SLC6A19: variants seen among roughly 807,000 people sequenced by gnomAD.
The protein encoded by SLC6A19 is sodium-dependent neutral amino acid transporter B(0)AT1.
Under a neutral mutation model 68.3 loss-of-function variants are expected in SLC6A19, and 67 were observed. The observed-to-expected ratio is 0.98, with a 90% CI of 0.81 to 1.20. SLC6A19 has a LOEUF of 1.20. Ranked by LOEUF, SLC6A19 falls within the 50% of genes most tolerant of loss-of-function variation. The probability of loss-of-function intolerance (pLI) is 0.00; values close to 1 mark genes in which losing one functional copy is unlikely to be tolerated. For missense variants in SLC6A19, 813 were observed against 851.6 expected, an observed-to-expected ratio of 0.95 and a Z score of 0.56; for synonymous variants, 392 against 374.9, an observed-to-expected ratio of 1.05 and a Z score of -0.53.
chr5:1,211,631 CTA>C (rs1333431310), intron 3 of SLC6A19, among the ~76,000 whole-genome samples: 1 of 152,060 alleles, frequency 6.6e-6, no homozygotes, highest in African/African-American at 2.4e-5. Flanking sequence ...TGCATGTGTG[CTA>C]TGTGTGTGCT....
intron 1 of SLC6A19, among the ~76,000 whole-genome samples, chr5:1,208,515 ACCT>A (rs2126497096): frequency 6.6e-6 from 1 of 152,182 alleles, no homozygotes; most frequent in South Asian, 2.1e-4. Flanking sequence ...CCCATAGGCG[ACCT>A]CAGCCTGTGT....
intron 4 of SLC6A19, among the ~76,000 whole-genome samples, chr5:1,213,121 T>C (rs1746092999): frequency 1.2e-5 from 1 of 85,414 alleles, no homozygotes; most frequent in Non-Finnish European, 2.3e-5. Context: ...TGGGCCCCCT[T>C]CCCCAGATGC....
At chr5:1,219,855 G>A (rs181204809) in intron 10 of SLC6A19, among the ~76,000 whole-genome samples, 191 bp downstream of exon 10, 1 of 152,360 alleles carries the variant, frequency 6.6e-6, no homozygotes, top group Non-Finnish European at 1.5e-5. Flanking sequence ...GCCCTGGCAT[G>A]CCGATAATGG....
rs1394102011 is a variant in SLC6A19, at chr5:1,222,708, T to C, written c.*804T>C. On this transcript the variant is annotated 3_prime_UTR_variant, in exon 12 of 12. Transcript: ENST00000304460. ...GCATATGGACACATATGGACACACA[T>C]ATGGACACGTGTGGATATGTGTGCG... 3 of 168,458 alleles carry C rather than the reference T, an allele frequency of 1.8e-5. No individual in the cohort carries two copies. The highest frequency in any genetic ancestry group is 3.8e-5 in the Non-Finnish European group (3 of 79,076). The allele number at this position is 168,458 out of a possible 1,614,324, so 10.4% of individuals were successfully genotyped here.
chr5:1,210,402 G>A, intron 2 of SLC6A19, 42 bp from the exon 3 acceptor site: 4 of 1,609,668 alleles, frequency 2.5e-6, no homozygotes, highest in Non-Finnish European at 2.5e-6. Context: ...GCCAGTGGAG[G>A]GTGTGCCTCG....
At position 1,212,773 on chromosome 5, in the gene SLC6A19, T is replaced by G. The variant is rs1211829101; in HGVS notation, c.663+289T>G. On this transcript the variant is annotated intron_variant, in intron 4 of 11. Coordinates refer to ENST00000304460, the MANE Select transcript of SLC6A19 (RefSeq NM_001003841.3). This position sits in a 1 kb window ranked among gnomAD's most constrained non-coding sequence, Gnocchi z 5.1. ...AGTAATACAAACTACCAGAAAGAGA[T>G]AGACGATGATGATGATGATGGTGAT... Among the ~76,000 whole-genome samples the G allele has an allele frequency of 6.6e-6, 1 of 152,084 alleles. No homozygotes were observed. Among genetic ancestry groups the G allele is most frequent in the African/African-American group, 2.4e-5 (1 of 41,372 alleles).
chr5:1,202,867 T>C (rs1745754652), intron 1 of SLC6A19, among the ~76,000 whole-genome samples: 1 of 151,908 alleles, frequency 6.6e-6, no homozygotes, highest in African/African-American at 2.4e-5. Flanking sequence ...TGTCAAGGAG[T>C]TGATCACTGC....
intron 6 of SLC6A19, among the ~76,000 whole-genome samples, chr5:1,216,309 C>T (rs373770795): frequency 2.6e-5 from 4 of 152,196 alleles, no homozygotes; most frequent in African/African-American, 4.8e-5. Flanking sequence ...CAGGAGCAGT[C>T]ATAGCCTGGG....
Position 1,215,851 on chromosome 5 carries a change from C to T in SLC6A19, c.888-707C>T, listed in dbSNP as rs879498339. Reference sequence around the variant, plus strand: ...GCTGCACCACTCACGTTCCCACCAGCGTGCAGGAAGCTCCAGTTTCCCCGT... The same window carrying T: ...GCTGCACCACTCACGTTCCCACCAGTGTGCAGGAAGCTCCAGTTTCCCCGT... On this transcript the variant is annotated intron_variant, in intron 6 of 11. Transcript: ENST00000304460. This position sits in a 1 kb window ranked among gnomAD's most constrained non-coding sequence, Gnocchi z 5.1. 4.6e-5 allele frequency among the ~76,000 whole-genome samples: 7 copies of T among 152,196 alleles called. No individual in the cohort carries two copies. Among genetic ancestry groups the T allele is most frequent in the African/African-American group, 1.2e-4 (5 of 41,456 alleles).
At chr5:1,208,693 T>C in intron 1 of SLC6A19, 53 bp from the exon 2 acceptor site, 2 of 1,612,182 alleles carry the variant, frequency 1.2e-6, no homozygotes, top group Non-Finnish European at 1.7e-6. Flanking sequence ...GAGGGAGGCC[T>C]TCCTGCTCCC....
At chr5:1,208,712 G>C in intron 1 of SLC6A19, 34 bp from the exon 2 acceptor site, 2 of 1,613,156 alleles carry the variant, frequency 1.2e-6, no homozygotes, top group South Asian at 1.1e-5. Flanking sequence ...CCCCGGGAAC[G>C]GCTCTCAGGC....
chr5:1,208,819 CGGGCAGCGGCTGCGGCG>C lies in SLC6A19; in HGVS notation c.284_300del (p.Arg95ProfsTer252). The stretch of plus-strand genomic sequence containing the variant: ...CCCTGCTGTACCTGGAGTTCGCCAT[CGGGCAGCGGCTGCGGCG>C]GGGCAGCCTGGGTGTGTGGAGCTCC... On this transcript the variant is annotated frameshift_variant, in exon 2 of 12. Transcript: ENST00000304460. LOFTEE classifies it high-confidence loss of function. 1 of 1,613,272 alleles carries C rather than the reference CGGGCAGCGGCTGCGGCG, an allele frequency of 6.2e-7. No homozygotes were observed. Among genetic ancestry groups the C allele is most frequent in the Non-Finnish European group, 8.5e-7 (1 of 1,179,982 alleles).
chr5:1,206,214 A>G (rs1337297743), intron 1 of SLC6A19, among the ~76,000 whole-genome samples: 1 of 151,744 alleles, frequency 6.6e-6, no homozygotes, highest in Non-Finnish European at 1.5e-5. Context: ...AGCCTCCAGT[A>G]CCTGGCTTCT....
At chr5:1,219,474 C>A in intron 9 of SLC6A19, 31 bp from the exon 10 acceptor site, 1 of 1,607,182 alleles carries the variant, frequency 6.2e-7, no homozygotes, top group South Asian at 1.1e-5. Context: ...AGCCCCTGGG[C>A]GTGTGAGCAG....
rs1335366018 is a variant in SLC6A19, at chr5:1,218,017, G to GCCACCTCCCA, written c.1174-877_1174-868dup. 4.7e-5 allele frequency among the ~76,000 whole-genome samples: 7 copies of GCCACCTCCCA among 148,312 alleles called. No individual in the cohort carries two copies. The South Asian group carries it at 1.1e-3, about 24-fold the overall frequency. On this transcript the variant is annotated intron_variant, in intron 8 of 11. Transcript: ENST00000304460. ...CGCCTCCATCCTGGCGCCTCCTCCCGCCACCTCCCACCACCTCCTGCCTCC... is the reference window on the plus strand; with the variant it reads ...CGCCTCCATCCTGGCGCCTCCTCCCGCCACCTCCCACCACCTCCCACCACCTCCTGCCTCC...
intron 11 of SLC6A19, 89 bp downstream of exon 11, chr5:1,221,402 A>G: frequency 6.8e-7 from 1 of 1,480,368 alleles, no homozygotes; most frequent in Admixed American, 1.7e-5. Context: ...GCATGCACAC[A>G]CAATACACAC....
intron 1 of SLC6A19, among the ~76,000 whole-genome samples, chr5:1,207,125 C>T (rs192988278): frequency 8.7e-4 from 132 of 152,356 alleles, no homozygotes; most frequent in African/African-American, 2.0e-3. Context: ...CCGGGCGCCA[C>T]GGCCTGCACT....
intron 1 of SLC6A19, among the ~76,000 whole-genome samples, chr5:1,208,331 G>A (rs952910395): frequency 3.9e-5 from 6 of 152,154 alleles, no homozygotes; most frequent in African/African-American, 1.2e-4. Flanking sequence ...GGAGTGGCAC[G>A]CTGCTGTTGG....
intron 5 of SLC6A19, 143 bp downstream of exon 5, chr5:1,213,716 G>T: frequency 9.5e-7 from 1 of 1,049,536 alleles, no homozygotes; most frequent in Non-Finnish European, 1.4e-6. Context: ...AGGTCCACGG[G>T]GCCAGCGAGG....
Sources: allele counts gnomAD v4.1 joint callset (sites outside exome capture counted in the v4.1 genomes callset), GRCh38; gene constraint gnomAD v4.1.1; non-coding constraint Gnocchi (gnomAD v3.1); transcripts MANE v1.5; gene names NCBI Gene and HGNC (gene_info 2026-07-23, HGNC 2026-07-21).